The following CCDC30 variants were observed in gnomAD, a reference collection of about 807,000 sequenced individuals.
The protein encoded by CCDC30 is coiled-coil domain containing 30.
Under a neutral mutation model 100.2 loss-of-function variants are expected in CCDC30, and 70 were observed. The observed-to-expected ratio is 0.70, with a 90% CI of 0.58 to 0.85. CCDC30 has a LOEUF of 0.85. Among genes scored for constraint, CCDC30 ranks in the 40% least tolerant of loss-of-function variants. The pLI, the probability that CCDC30 is intolerant of heterozygous loss-of-function variation, is 0.00. For synonymous variants in CCDC30, 233 were observed against 269.5 expected (o/e 0.86, Z 1.33); for missense variants, 652 against 771.2 (o/e 0.85, Z 1.83).
chr1:42,650,481 G>C (rs943470702), intron 15 of CCDC30, among the ~76,000 whole-genome samples: 4 of 139,430 alleles, frequency 2.9e-5, no homozygotes, highest in Non-Finnish European at 6.2e-5. Flanking sequence ...ACAAGACCCT[G>C]TCTAAAAAAA....
intron 6 of CCDC30, among the ~76,000 whole-genome samples, chr1:42,544,558 A>T (rs1569992892): frequency 6.6e-6 from 1 of 152,300 alleles, no homozygotes; most frequent in East Asian, 1.9e-4. Flanking sequence ...TCTGTCATAT[A>T]GGCTGGAGTG....
chr1:42,558,510 ACC>A (rs1441151138), intron 6 of CCDC30, among the ~76,000 whole-genome samples: 2 of 152,178 alleles, frequency 1.3e-5, no homozygotes, highest in East Asian at 1.9e-4. Flanking sequence ...CTAACTCATC[ACC>A]CCATCCAGCA....
intron 7 of CCDC30, among the ~76,000 whole-genome samples, chr1:42,576,728 G>A (rs1645845242): frequency 6.6e-6 from 1 of 152,170 alleles, no homozygotes; most frequent in Non-Finnish European, 1.5e-5. Flanking sequence ...AGTACCCTTG[G>A]CAGAAAGTTT....
At chr1:42,549,930 G>A (rs1314384847) in intron 6 of CCDC30, among the ~76,000 whole-genome samples, 3 of 152,068 alleles carry the variant, frequency 2.0e-5, no homozygotes, top group Admixed American at 1.3e-4. Flanking sequence ...TCATTGCATC[G>A]TTTCTACCTT....
chr1:42,530,926 T>G (rs184657625), intron 6 of CCDC30, among the ~76,000 whole-genome samples: 28 of 152,294 alleles, frequency 1.8e-4, no homozygotes, highest in Admixed American at 1.6e-3. Context: ...GGAACATATC[T>G]TCCAAAGATT....
intron 12 of CCDC30, among the ~76,000 whole-genome samples, chr1:42,641,362 G>GGCACTGCGT: frequency 6.6e-6 from 1 of 151,830 alleles, no homozygotes; most frequent in Non-Finnish European, 1.5e-5. Flanking sequence ...ACAGGTGTGA[G>GGCACTGCGT]CCATGGCACC....
intron 7 of CCDC30, among the ~76,000 whole-genome samples, chr1:42,575,033 A>G (rs1645804592): frequency 1.3e-5 from 2 of 152,212 alleles, no homozygotes; most frequent in Non-Finnish European, 2.9e-5. Flanking sequence ...CTGATGCTCA[A>G]AGTGGTTGAA....
intron 11 of CCDC30, among the ~76,000 whole-genome samples, chr1:42,622,065 A>G (rs1358767741): frequency 2.0e-5 from 3 of 152,140 alleles, no homozygotes; most frequent in African/African-American, 4.8e-5. Flanking sequence ...CGCATTAACC[A>G]TCCCCACCTC....
At chr1:42,626,893 T>A (rs960567001) in intron 11 of CCDC30, among the ~76,000 whole-genome samples, 3 of 152,192 alleles carry the variant, frequency 2.0e-5, no homozygotes, top group African/African-American at 7.2e-5. Flanking sequence ...CAGGTATATA[T>A]CTTTATCAGC....
intron 15 of CCDC30, among the ~76,000 whole-genome samples, chr1:42,651,708 A>T (rs1456874447): frequency 6.6e-6 from 1 of 152,226 alleles, no homozygotes; most frequent in East Asian, 1.9e-4. Context: ...TACAAAAAAA[A>T]ATTTTTTTTG....
At chr1:42,568,030 C>A (rs1165232806) in intron 7 of CCDC30, among the ~76,000 whole-genome samples, 1 of 152,062 alleles carries the variant, frequency 6.6e-6, no homozygotes, top group Non-Finnish European at 1.5e-5. Context: ...AGACATCAGC[C>A]TCTTGATTAG....
chr1:42,639,504 C>T (rs372272238), intron 12 of CCDC30, among the ~76,000 whole-genome samples: 5 of 152,330 alleles, frequency 3.3e-5, no homozygotes, highest in Admixed American at 2.0e-4. Flanking sequence ...AACCACAGGT[C>T]TTCATAAAAT....
At chr1:42,553,110 G>T (rs1245183196) in intron 6 of CCDC30, among the ~76,000 whole-genome samples, 1 of 152,162 alleles carries the variant, frequency 6.6e-6, no homozygotes, top group Admixed American at 6.5e-5. Flanking sequence ...AGCTGGAGTA[G>T]GTAGGTGTCC....
intron 1 of CCDC30, among the ~76,000 whole-genome samples, chr1:42,471,381 A>T (rs978906745): frequency 3.3e-5 from 5 of 152,148 alleles, no homozygotes; most frequent in African/African-American, 1.2e-4. Context: ...TTATTTTCTA[A>T]TTACCTCATC....
At chr1:42,525,278 G>C (rs1425481296) in intron 6 of CCDC30, among the ~76,000 whole-genome samples, 1 of 152,060 alleles carries the variant, frequency 6.6e-6, no homozygotes, top group Non-Finnish European at 1.5e-5. Flanking sequence ...AACTACATGT[G>C]TTTACATCCT....
chr1:42,458,784 G>T (rs866957340), upstream of CCDC30, among the ~76,000 whole-genome samples: 21 of 152,314 alleles, frequency 1.4e-4, no homozygotes, highest in African/African-American at 4.8e-4. Flanking sequence ...CCTGAGAAGG[G>T]ATTGGGGATG....
rs115529045 is a variant in CCDC30 at position 42,543,051 on chromosome 1, G to A, written c.457-23245G>A. 6.1e-3 allele frequency among the ~76,000 whole-genome samples: 926 copies of A among 151,936 alleles called. 15 individuals carry two copies. Among genetic ancestry groups the A allele is most frequent in the African/African-American group, 0.021 (868 of 41,422 alleles). On this transcript the variant is annotated intron_variant, in intron 6 of 16. Transcript: ENST00000668663. ...GCTCATTAATAAAATTGTCTTTTAC[G>A]TTCCTTTATAATCTGACCTCTCCCT... is the stretch of plus-strand genomic sequence containing the variant.
chr1:42,617,984 T>C (rs1263896634), intron 11 of CCDC30, among the ~76,000 whole-genome samples: 1 of 152,232 alleles, frequency 6.6e-6, no homozygotes, highest in Non-Finnish European at 1.5e-5. Context: ...CACCTAGGAA[T>C]GAACAAGAAC....
At chr1:42,457,387 A>C in the CCDC30 span, 4 of 1,560,610 alleles carry the variant, frequency 2.6e-6, no homozygotes, top group Non-Finnish European at 3.5e-6. Flanking sequence ...CTAATCCCAT[A>C]TAACCAATCT....
Sources: gnomAD v4.1 joint callset for allele counts (sites outside exome capture counted in the v4.1 genomes callset) on GRCh38, gnomAD v4.1.1 for gene constraint, MANE v1.5 for transcripts, NCBI Gene and HGNC (gene_info 2026-07-23, HGNC 2026-07-21) for gene names.